ZAR1L: variants seen among roughly 807,000 people sequenced by gnomAD.
ZAR1L encodes zygote arrest 1 like, also known as protein ZAR1-like.
ZAR1L carries 16 observed loss-of-function variants against 30.0 expected under a neutral mutation model. That is an observed-to-expected ratio of 0.53 (90% CI 0.36 to 0.81). The LOEUF (loss-of-function observed/expected upper bound fraction) is 0.81. Among genes scored for constraint, ZAR1L ranks in the 30% least tolerant of loss-of-function variants. ZAR1L has a pLI of 0.00. For synonymous variants in ZAR1L, 197 were observed against 166.8 expected (o/e 1.18, Z -1.40); for missense variants, 392 against 417.2 (o/e 0.94, Z 0.53).
intron 4 of ZAR1L, among the ~76,000 whole-genome samples, chr13:32,309,008 G>A (rs1433528990): frequency 1.0e-5 from 1 of 97,748 alleles, no homozygotes; most frequent in Non-Finnish European, 2.0e-5. Flanking sequence ...TTTTTTTTTT[G>A]AGATGGAGTT....
intron 5 of ZAR1L, among the ~76,000 whole-genome samples, chr13:32,306,008 T>C (rs2072171922): frequency 6.6e-6 from 1 of 152,258 alleles, no homozygotes; most frequent in Non-Finnish European, 1.5e-5. Flanking sequence ...CACTAAGTGC[T>C]AATATGTTCA....
At chr13:32,306,155 T>C (rs909696948) in intron 5 of ZAR1L, among the ~76,000 whole-genome samples, 2 of 152,010 alleles carry the variant, frequency 1.3e-5, no homozygotes, top group African/African-American at 4.8e-5. Context: ...AGAGCTGAGA[T>C]GAGAAATACA....
At position 32,308,805 on chromosome 13, in the gene ZAR1L, C is replaced by T. The variant is rs770949818; in HGVS notation, c.748-45G>A. 23 of 1,323,012 alleles carry T rather than the reference C, an allele frequency of 1.7e-5. No individual in the cohort carries two copies. The African/African-American group carries it at 2.9e-4, about 16-fold the overall frequency. 82.0% of individuals were successfully genotyped at this position (1,323,012 alleles called of 1,614,324 possible). On this transcript the variant is annotated intron_variant, in intron 4 of 5. Coordinates refer to ENST00000533490, the MANE Select transcript of ZAR1L (RefSeq NM_001136571.2). Reference sequence around the variant, plus strand: ...TTTTTAATACAAGCTTTTATACACACCCACACCCTGCAAAGGCTCCCAGTT... The same window carrying T: ...TTTTTAATACAAGCTTTTATACACATCCACACCCTGCAAAGGCTCCCAGTT...
At chr13:32,313,676 GTTT>G (rs1398444901) in intron 2 of ZAR1L, among the ~76,000 whole-genome samples, 2 of 152,118 alleles carry the variant, frequency 1.3e-5, no homozygotes, top group East Asian at 3.9e-4. Context: ...TGGAAATAAT[GTTT>G]TTAAGAAAAA....
chr13:32,313,114 G>A (rs1284602283), intron 2 of ZAR1L, among the ~76,000 whole-genome samples: 1 of 152,206 alleles, frequency 6.6e-6, no homozygotes, highest in African/African-American at 2.4e-5. Context: ...AAATGTTACA[G>A]TTAGGTAGAA....
chr13:32,313,883 C>T (rs1361445955), intron 2 of ZAR1L, among the ~76,000 whole-genome samples: 2 of 152,200 alleles, frequency 1.3e-5, no homozygotes, highest in East Asian at 1.9e-4. Flanking sequence ...TGACATGCCA[C>T]GGGTTCTCAT....
chr13:32,311,696 G>C lies in ZAR1L; in HGVS notation c.230C>G (p.Pro77Arg). Residue 77 changes from proline to arginine, a missense_variant, in exon 3 of 6, where the codon CCC becomes CGC. Pro to Arg is a moderately radical substitution (Grantham distance 103). Coordinates refer to ENST00000533490, the MANE Select transcript of ZAR1L (RefSeq NM_001136571.2). ...QLKAILSQMN[P>R]SLSPRLCKPN... ...CTTGCACAGCCGCGGGCTCAGGCTG[G>C]GGTTCATCTGGGAGAGAATGGCCTT... 6.4e-7 allele frequency: 1 copy of C among 1,551,606 alleles called. No individual in the cohort carries two copies.
At position 32,304,039 on chromosome 13, in the gene ZAR1L, A is replaced by G; in HGVS notation, c.823-17T>C. The G allele has an allele frequency of 1.3e-6, 2 of 1,549,374 alleles. No homozygotes were observed. Among genetic ancestry groups the G allele is most frequent in the Non-Finnish European group, 1.7e-6 (2 of 1,146,278 alleles). Reference sequence around the variant, plus strand: ...TGAGCAGGTCTTTAGGAAACAAAGAAGAGTTTGGACGCTAAATGATCAGTT... The same window carrying G: ...TGAGCAGGTCTTTAGGAAACAAAGAGGAGTTTGGACGCTAAATGATCAGTT... On this transcript the variant is annotated splice_polypyrimidine_tract_variant and intron_variant, in intron 5 of 5. Transcript: ENST00000533490.
chr13:32,311,708 G>A lies in ZAR1L; in HGVS notation c.218C>T (p.Ser73Phe), dbSNP rs2072215185. ...CGGGCTCAGGCTGGGGTTCATCTGG[G>A]AGAGAATGGCCTTAAGCTGCGCCCT... ...YKRAQLKAIL[S>F]QMNPSLSPRL... is the part of the protein sequence containing the mutation. Residue 73 changes from serine to phenylalanine, a missense_variant, in exon 3 of 6, where the codon TCC becomes TTC. Transcript: ENST00000533490. The A allele has an allele frequency of 1.3e-6, 2 of 1,551,542 alleles. No individual in the cohort carries two copies. Among genetic ancestry groups the A allele is most frequent in the Non-Finnish European group, 1.7e-6 (2 of 1,147,000 alleles).
intron 5 of ZAR1L, 44 bp downstream of exon 5, chr13:32,308,642 T>C (rs746195896): frequency 7.2e-7 from 1 of 1,395,122 alleles, no homozygotes; most frequent in South Asian, 1.3e-5. Context: ...GGCTTCATTT[T>C]AGTAATGAAA....
intron 5 of ZAR1L, among the ~76,000 whole-genome samples, chr13:32,305,338 T>C (rs1451953846): frequency 2.0e-5 from 3 of 152,108 alleles, no homozygotes; most frequent in African/African-American, 7.2e-5. Context: ...GCCATTCTCC[T>C]GCCTCAGCCT....
At chr13:32,310,378 A>G (rs1208181256) in intron 4 of ZAR1L, among the ~76,000 whole-genome samples, 1 of 152,250 alleles carries the variant, frequency 6.6e-6, no homozygotes, top group Non-Finnish European at 1.5e-5. Context: ...AAAAACTTCC[A>G]ATGTAGACAA....
intron 5 of ZAR1L, among the ~76,000 whole-genome samples, 178 bp downstream of exon 5, chr13:32,308,508 T>G (rs1176243796): frequency 5.9e-5 from 9 of 152,230 alleles, no homozygotes; most frequent in African/African-American, 2.2e-4. Flanking sequence ...TTCCCCTCTT[T>G]CCCTTCAAAA....
At chr13:32,312,530 G>T (rs1351123251) in intron 2 of ZAR1L, among the ~76,000 whole-genome samples, 1 of 152,178 alleles carries the variant, frequency 6.6e-6, no homozygotes, top group East Asian at 1.9e-4. Flanking sequence ...ACAGAAAAAT[G>T]GATAGAGAAA....
At chr13:32,311,185 G>A in intron 3 of ZAR1L, 87 bp downstream of exon 3, 1 of 1,373,356 alleles carries the variant, frequency 7.3e-7, no homozygotes, top group South Asian at 1.5e-5. Flanking sequence ...AGAGAGAGAA[G>A]ATTTTGCTCT....
intron 4 of ZAR1L, among the ~76,000 whole-genome samples, chr13:32,309,560 T>C (rs1379794669): frequency 6.6e-6 from 1 of 152,222 alleles, no homozygotes; most frequent in East Asian, 1.9e-4. Flanking sequence ...CTTCCTCCTA[T>C]TTATTGTTTC....
intron 5 of ZAR1L, among the ~76,000 whole-genome samples, chr13:32,306,930 CAAAAAAAAAA>C (rs369500221): frequency 1.7e-5 from 1 of 59,090 alleles, no homozygotes; most frequent in Admixed American, 2.6e-4. Flanking sequence ...GACTCTATCT[CAAAAAAAAAA>C]AAAAAAAAAA....
At position 32,311,649 on chromosome 13, in the gene ZAR1L, C is replaced by T. The variant is rs559005024; in HGVS notation, c.277G>A (p.Val93Met). ...LCKPNTKEVG[V>M]QVSPRVDKAV... ...TTGTCCACCCGCGGGCTCACCTGCA[C>T]GCCCACCTCCTTGGTGTTGGGCTTG... is the stretch of plus-strand genomic sequence containing the variant. Residue 93 changes from valine (V) to methionine (M), a missense_variant, in exon 3 of 6, where the codon GTG becomes ATG. Transcript: ENST00000533490. The T allele has an allele frequency of 3.9e-6, 6 of 1,551,316 alleles. No homozygotes were observed. The highest frequency in any genetic ancestry group is 3.6e-5 in the South Asian group (3 of 84,062).
At chr13:32,305,312 C>T (rs1198645436) in intron 5 of ZAR1L, among the ~76,000 whole-genome samples, 3 of 152,084 alleles carry the variant, frequency 2.0e-5, no homozygotes, top group African/African-American at 7.2e-5. Context: ...CTGCAAGCTC[C>T]GCCTCCCGGG....
Sources: gnomAD v4.1 joint callset for allele counts (sites outside exome capture counted in the v4.1 genomes callset) on GRCh38, gnomAD v4.1.1 for gene constraint, MANE v1.5 for transcripts, NCBI Gene and HGNC (gene_info 2026-07-23, HGNC 2026-07-21) for gene names.